RGS3: variants seen among roughly 807,000 people sequenced by gnomAD.
RGS3 encodes the protein regulator of G protein signaling 3.
In RGS3, 80 loss-of-function variants were observed where a neutral mutation model predicts 132.6. That is an observed-to-expected ratio of 0.60 (90% CI 0.50 to 0.73). The LOEUF (loss-of-function observed/expected upper bound fraction) is 0.73. RGS3 is among the 30% of genes least tolerant of loss of function. The pLI is 0.00. For synonymous variants in RGS3, 598 were observed against 620.6 expected (o/e 0.96, Z 0.54); for missense variants, 1,382 against 1,530.8 (o/e 0.90, Z 1.62).
Position 113,591,110 on chromosome 9 carries a change from CAGG to C in RGS3, c.3016-217_3016-215del, listed in dbSNP as rs1410846755. Among the ~76,000 whole-genome samples, 5 of 152,322 alleles carry C rather than the reference CAGG, an allele frequency of 3.3e-5. No homozygotes were observed. The East Asian group carries it at 7.7e-4, about 24-fold the overall frequency. On this transcript the variant is annotated intron_variant, in intron 20 of 24. Transcript: ENST00000350696. This position sits in a 1 kb window ranked among gnomAD's most constrained non-coding sequence, Gnocchi z 4.4. ...CAGTGAGCTGGGGACCTGACTGTCC[CAGG>C]AGGAGATCCCTGTGGCCGGAGAGTC...
Position 113,445,768 on chromosome 9 carries a change from G to A in RGS3, c.-13+841G>A, listed in dbSNP as rs530769971. ...ATCTCTGCTCATTGCAACCTCCGCC[G>A]CCTGGGTTCAAGCGATTCTTGTGCC... On this transcript the variant is annotated intron_variant, in intron 1 of 25. Coordinates refer to the RGS3 transcript ENST00000374140. Among the ~76,000 whole-genome samples the A allele has an allele frequency of 1.7e-3, 258 of 152,126 alleles. 2 individuals are homozygous for A. Among genetic ancestry groups the A allele is most frequent in the African/African-American group, 5.6e-3 (232 of 41,514 alleles).
chr9:113,497,481 TG>T, intron 9 of RGS3, 77 bp downstream of exon 7: 1 of 1,173,400 alleles, frequency 8.5e-7, no homozygotes, highest in Non-Finnish European at 1.2e-6. Context: ...GCATCAGTAC[TG>T]GTATTTGGTG....
chr9:113,468,562 G>A (rs961154060), intron 3 of RGS3, among the ~76,000 whole-genome samples: 2 of 151,842 alleles, frequency 1.3e-5, no homozygotes, highest in African/African-American at 4.8e-5. Flanking sequence ...TGAATTTTAG[G>A]CATAATATTT....
At chr9:113,446,746 A>G (rs1829108176) in intron 1 of RGS3, among the ~76,000 whole-genome samples, 1 of 152,166 alleles carries the variant, frequency 6.6e-6, no homozygotes, top group Non-Finnish European at 1.5e-5. Context: ...TTTGATGACC[A>G]TTGAAAGGAC....
chr9:113,514,173 GGA>G (rs1225361087), intron 14 of RGS3, among the ~76,000 whole-genome samples: 2 of 152,300 alleles, frequency 1.3e-5, no homozygotes, highest in East Asian at 3.9e-4. Context: ...GTCAGCAGGT[GGA>G]GTGTGCTGCC....
chr9:113,464,313 G>T (rs916096376), intron 3 of RGS3, among the ~76,000 whole-genome samples: 1 of 152,238 alleles, frequency 6.6e-6, no homozygotes, highest in Non-Finnish European at 1.5e-5. Context: ...GCTGCCTTGT[G>T]GGGAGGCTGC....
At chr9:113,512,426 T>C (rs1831446369) in intron 14 of RGS3, among the ~76,000 whole-genome samples, 1 of 152,130 alleles carries the variant, frequency 6.6e-6, no homozygotes, top group Non-Finnish European at 1.5e-5. Context: ...AGGAAGTGGT[T>C]TGAGTTATCA....
upstream of RGS3, among the ~76,000 whole-genome samples, chr9:113,457,732 A>G (rs1408357016): frequency 6.6e-6 from 1 of 152,228 alleles, no homozygotes; most frequent in Admixed American, 6.5e-5. Flanking sequence ...TGCTTCATAT[A>G]TAAATACAAA....
chr9:113,535,949 G>C (rs1832659708), intron 18 of RGS3, among the ~76,000 whole-genome samples: 1 of 152,134 alleles, frequency 6.6e-6, no homozygotes, highest in Non-Finnish European at 1.5e-5. Flanking sequence ...GAAGCTCCCT[G>C]GTGCTTGTGC....
intron 14 of RGS3, among the ~76,000 whole-genome samples, chr9:113,513,309 C>T (rs1269313167): frequency 1.3e-5 from 2 of 152,194 alleles, no homozygotes; most frequent in African/African-American, 2.4e-5. Context: ...CCCACACCGC[C>T]GTTGCAGCCT....
At chr9:113,505,967 A>G (rs963256388) in intron 11 of RGS3, among the ~76,000 whole-genome samples, 1 of 152,204 alleles carries the variant, frequency 6.6e-6, no homozygotes, top group Non-Finnish European at 1.5e-5. Flanking sequence ...GCCAGGGCTC[A>G]GTGGTCAGGG....
intron 10 of RGS3, among the ~76,000 whole-genome samples, chr9:113,503,624 G>A (rs1306938186): frequency 6.6e-6 from 1 of 152,182 alleles, no homozygotes; most frequent in African/African-American, 2.4e-5. Context: ...TCCAGTTACT[G>A]CCCCATAACT....
intron 1 of RGS3, among the ~76,000 whole-genome samples, chr9:113,452,982 AAT>A (rs1238139468): frequency 1.6e-5 from 2 of 128,750 alleles, no homozygotes; most frequent in Non-Finnish European, 3.2e-5. Flanking sequence ...ATTTATACAT[AAT>A]ATATAATATA....
chr9:113,565,639 C>T lies in RGS3; in HGVS notation c.2038-17811C>T, dbSNP rs931327395. 6.3e-5 allele frequency: 17 copies of T among 269,474 alleles called. No homozygotes were observed. The highest frequency in any genetic ancestry group is 1.0e-4 in the Non-Finnish European group (14 of 134,284). 16.7% of individuals were successfully genotyped at this position (269,474 alleles called of 1,614,324 possible). On this transcript the variant is annotated intron_variant, in intron 19 of 24. Coordinates refer to ENST00000350696, the Ensembl canonical transcript of RGS3. The surrounding 1 kb of genome is among the most constrained non-coding windows in gnomAD (Gnocchi z 5.7). The stretch of plus-strand genomic sequence containing the variant: ...AGGAGCTGCCACAGCCACGGCCGCC[C>T]GCCTGCGGGAGGAGCCGGGTGGAAA...
intron 7 of RGS3, among the ~76,000 whole-genome samples, chr9:113,486,897 C>T (rs1830347999): frequency 1.3e-5 from 2 of 152,146 alleles, no homozygotes; most frequent in Non-Finnish European, 2.9e-5. Context: ...TTCATTCATT[C>T]ATCCAGCTGC....
chr9:113,576,295 A>T (rs1235100471), intron 19 of RGS3, among the ~76,000 whole-genome samples: 1 of 151,948 alleles, frequency 6.6e-6, no homozygotes, highest in Non-Finnish European at 1.5e-5. Context: ...CTTTGAGGCT[A>T]AGAGTCTAGA....
Position 113,537,042 on chromosome 9 carries a change from C to A in RGS3, c.2037+124C>A. ...TTCCAACTTGGCTCTGGGCAATGAG[C>A]TCTTGGCAAGCGGGGACCTGTGCCC... On this transcript the variant is annotated intron_variant, in intron 19 of 24. Coordinates refer to ENST00000350696, the Ensembl canonical transcript of RGS3. This position sits in a 1 kb window ranked among gnomAD's most constrained non-coding sequence, Gnocchi z 4.3. 1.1e-6 allele frequency: 1 copy of A among 873,660 alleles called. No individual in the cohort carries two copies. The highest frequency in any genetic ancestry group is 1.8e-6 in the Non-Finnish European group (1 of 570,886). The allele number at this position is 873,660 out of a possible 1,614,324, so 54.1% of individuals were successfully genotyped here.
At chr9:113,452,995 T>C (rs1284101386) in intron 1 of RGS3, among the ~76,000 whole-genome samples, 1 of 130,174 alleles carries the variant, frequency 7.7e-6, no homozygotes, top group African/African-American at 2.9e-5. Flanking sequence ...ATATAATATA[T>C]AAATATAAAT....
At chr9:113,447,103 T>C (rs956000845) in intron 1 of RGS3, among the ~76,000 whole-genome samples, 1 of 150,582 alleles carries the variant, frequency 6.6e-6, no homozygotes, top group Non-Finnish European at 1.5e-5. Flanking sequence ...CTACTAAAAA[T>C]ACAGAAAAAT....
Sources: gnomAD v4.1 joint callset for allele counts (sites outside exome capture counted in the v4.1 genomes callset) on GRCh38, gnomAD v4.1.1 for gene constraint, Gnocchi (gnomAD v3.1) non-coding constraint, MANE v1.5 for transcripts, NCBI Gene and HGNC (gene_info 2026-07-23, HGNC 2026-07-21) for gene names.